DOCK5: variants seen among roughly 807,000 people sequenced by gnomAD.
The protein encoded by DOCK5 is dedicator of cytokinesis protein 5.
DOCK5 carries 142 observed loss-of-function variants against 251.8 expected under a neutral mutation model. The ratio of observed to expected loss-of-function variants is 0.56; its 90% confidence interval spans 0.49 to 0.65. The LOEUF (loss-of-function observed/expected upper bound fraction) is 0.65, where lower values mean the gene tolerates loss of function less well. Among genes scored for constraint, DOCK5 ranks in the 30% least tolerant of loss-of-function variants. The pLI, the probability that DOCK5 is intolerant of heterozygous loss-of-function variation, is 0.00. For synonymous variants in DOCK5, 842 were observed against 835.5 expected, an observed-to-expected ratio of 1.01 and a Z score of -0.13; for missense variants, 2,111 against 2,312.3, an observed-to-expected ratio of 0.91 and a Z score of 1.79.
intron 1 of DOCK5, among the ~76,000 whole-genome samples, chr8:25,199,716 C>T (rs2117457805): frequency 6.6e-6 from 1 of 152,282 alleles, no homozygotes; most frequent in Admixed American, 6.5e-5. Context: ...TGGGAGTGGA[C>T]AGCTTTACTC....
chr8:25,358,161 G>C (rs1367065076), intron 27 of DOCK5, among the ~76,000 whole-genome samples: 1 of 152,128 alleles, frequency 6.6e-6, no homozygotes, highest in Non-Finnish European at 1.5e-5. Context: ...TTATAAATTG[G>C]GTAGTTTATA....
At chr8:25,204,536 T>A (rs546038611) in intron 1 of DOCK5, among the ~76,000 whole-genome samples, 80 of 152,360 alleles carry the variant, frequency 5.3e-4, no homozygotes, top group African/African-American at 1.8e-3. Flanking sequence ...TAGGCCACAT[T>A]AATGGACTAA....
At chr8:25,401,919 A>G (rs1027320703) in intron 47 of DOCK5, among the ~76,000 whole-genome samples, 3 of 152,198 alleles carry the variant, frequency 2.0e-5, no homozygotes, top group Admixed American at 6.5e-5. Flanking sequence ...TACATTTCAT[A>G]TGCATGTAGC....
At chr8:25,287,097 G>T (rs550607982) in intron 5 of DOCK5, among the ~76,000 whole-genome samples, 15 of 152,266 alleles carry the variant, frequency 9.9e-5, no homozygotes, top group African/African-American at 3.6e-4. Flanking sequence ...CTGCTTTCCT[G>T]TGAGTATTGA....
intron 21 of DOCK5, 48 bp from the exon 22 acceptor site, chr8:25,336,191 A>G (rs748557732): frequency 3.2e-6 from 5 of 1,584,076 alleles, no homozygotes. Context: ...CAAGCCTCAG[A>G]GTATCCTGTT....
At chr8:25,265,611 T>C (rs1298244854) in intron 2 of DOCK5, among the ~76,000 whole-genome samples, 1 of 151,900 alleles carries the variant, frequency 6.6e-6, no homozygotes, top group Non-Finnish European at 1.5e-5. Context: ...CAGGTCATTC[T>C]ACTTGTGTAT....
In DOCK5 at chr8:25,369,626, T is replaced by C; in HGVS notation, c.3509T>C (p.Val1170Ala). The C allele has an allele frequency of 1.2e-6, 2 of 1,609,278 alleles. No homozygotes were observed. Among genetic ancestry groups the C allele is most frequent in the South Asian group, 1.1e-5 (1 of 89,892 alleles). ...EGGRGDEQYK[V>A]LLEKLLLEHC... ...GGCAGAGGAGACGAACAATACAAGGTTCTTCTGGAAAAACTGTGAGTATTT... is the reference window on the plus strand; with the variant it reads ...GGCAGAGGAGACGAACAATACAAGGCTCTTCTGGAAAAACTGTGAGTATTT... The change falls in exon 34 of 52, where the codon GTT becomes GCT. Residue 1170 changes from valine to alanine, a missense_variant. Val to Ala is a moderately conservative substitution (Grantham distance 64). This residue lies in a region of DOCK5 where 1,717 missense variants were observed against 1,892.4 expected (regional missense o/e 0.91). Coordinates refer to ENST00000276440, the MANE Select transcript of DOCK5 (RefSeq NM_024940.8).
intron 27 of DOCK5, 93 bp downstream of exon 27, chr8:25,351,919 T>C: frequency 1.1e-6 from 1 of 879,770 alleles, no homozygotes; most frequent in Non-Finnish European, 1.8e-6. Context: ...CTTGAGACTA[T>C]TCTTCACATG....
At chr8:25,402,188 C>T (rs930548003) in intron 47 of DOCK5, among the ~76,000 whole-genome samples, 11 of 152,180 alleles carry the variant, frequency 7.2e-5, no homozygotes, top group East Asian at 1.9e-4. Flanking sequence ...AAGTGCAGTG[C>T]GAGATCACAG....
intron 24 of DOCK5, among the ~76,000 whole-genome samples, chr8:25,342,112 A>G (rs538142622): frequency 2.6e-5 from 4 of 152,302 alleles, no homozygotes; most frequent in South Asian, 2.1e-4. Flanking sequence ...ACTGCAATCA[A>G]CATGAGAGTG....
At chr8:25,237,956 T>C (rs74370154) in intron 1 of DOCK5, among the ~76,000 whole-genome samples, 9 of 151,502 alleles carry the variant, frequency 5.9e-5, no homozygotes, top group Middle Eastern at 3.4e-3. Flanking sequence ...GAATCCGTTT[T>C]GCTTACCCTG....
At chr8:25,246,283 G>A (rs894435241) in intron 2 of DOCK5, among the ~76,000 whole-genome samples, 6 of 151,864 alleles carry the variant, frequency 4.0e-5, no homozygotes, top group Non-Finnish European at 8.8e-5. Context: ...GTTGTTTTTT[G>A]TATTTTTTGG....
intron 1 of DOCK5, among the ~76,000 whole-genome samples, chr8:25,208,101 A>G (rs972219951): frequency 6.6e-6 from 1 of 152,248 alleles, no homozygotes; most frequent in Non-Finnish European, 1.5e-5. Flanking sequence ...TAGCAAGAGC[A>G]CTAGAATTAG....
chr8:25,281,584 TAAA>T (rs755311727), intron 5 of DOCK5, among the ~76,000 whole-genome samples: 3 of 121,382 alleles, frequency 2.5e-5, no homozygotes, highest in Non-Finnish European at 1.8e-5. Flanking sequence ...AGAATTTGGT[TAAA>T]AAAAAAAAAA....
chr8:25,215,994 CT>C (rs1802233151), intron 1 of DOCK5, among the ~76,000 whole-genome samples: 1 of 149,654 alleles, frequency 6.7e-6, no homozygotes, highest in African/African-American at 2.5e-5. Context: ...GAATATATAT[CT>C]GCATACAGTA....
intron 22 of DOCK5, 51 bp from the exon 23 acceptor site, chr8:25,340,826 A>G: frequency 6.8e-7 from 1 of 1,479,850 alleles, no homozygotes; most frequent in Non-Finnish European, 9.3e-7. Context: ...CTATTTTAAA[A>G]TTTCTTTTAA....
chr8:25,410,968 TGTGTGCGC>T (rs1390843837), intron 51 of DOCK5, among the ~76,000 whole-genome samples: 4,066 of 28,098 alleles, frequency 0.14, 68 homozygotes, highest in East Asian at 0.34. Context: ...TGTGTGTGTG[TGTGTGCGC>T]GCGCGCGCAC....
rs56687628 is a variant in DOCK5, at chr8:25,282,849, CAAAAAAAAA to C, written c.321+4207_321+4215del. On this transcript the variant is annotated intron_variant, in intron 5 of 51. Transcript: ENST00000276440. Reference sequence around the variant, plus strand: ...TGGGTGACACAGTAAGACCCTTTCTCAAAAAAAAAAAAAAAAAAAAAAAAAAAAAAAGAT... The same window carrying C: ...TGGGTGACACAGTAAGACCCTTTCTCAAAAAAAAAAAAAAAAAAAAAAGAT... Among the ~76,000 whole-genome samples, 62 of 39,614 alleles carry C rather than the reference CAAAAAAAAA, an allele frequency of 1.6e-3. 1 individual carries two copies. The highest frequency in any genetic ancestry group is 4.9e-3 in the African/African-American group (57 of 11,546). 26.0% of individuals were successfully genotyped at this position (39,614 alleles called of 152,430 possible). A position where few individuals can be genotyped will look rare whatever the true frequency, so the allele number is the denominator to read the frequency against.
intron 2 of DOCK5, among the ~76,000 whole-genome samples, chr8:25,266,207 T>C (rs1307374839): frequency 6.6e-6 from 1 of 151,658 alleles, no homozygotes; most frequent in Non-Finnish European, 1.5e-5. Flanking sequence ...CACTTCCTCT[T>C]TGCATTATGC....
Sources: gnomAD v4.1 joint callset for allele counts (sites outside exome capture counted in the v4.1 genomes callset) on GRCh38, gnomAD v4.1.1 for gene constraint, gnomAD v4.1.1 regional missense constraint, MANE v1.5 for transcripts, NCBI Gene and HGNC (gene_info 2026-07-23, HGNC 2026-07-21) for gene names.